Variants in NSD2 observed in about 807,000 individuals in gnomAD.
NSD2 encodes the protein nuclear receptor binding SET domain protein 2.
In NSD2, 12 loss-of-function variants were observed where a neutral mutation model predicts 139.0. The observed-to-expected ratio is 0.09, with a 90% CI of 0.06 to 0.14. The LOEUF (loss-of-function observed/expected upper bound fraction) is 0.14. NSD2 is among the 10% of genes least tolerant of loss of function. The pLI, the probability that NSD2 is intolerant of heterozygous loss-of-function variation, is 1.00. For synonymous variants in NSD2, 669 were observed against 648.7 expected (o/e 1.03, Z -0.48); for missense variants, 1,155 against 1,745.0 (o/e 0.66, Z 6.02).
At chr4:1,944,353 A>G in intron 9 of NSD2, 1 of 1,066,064 alleles carries the variant, frequency 9.4e-7, no homozygotes, top group East Asian at 5.0e-5. Context: ...TTATGCTGCT[A>G]ATTTAACGTG....
At chr4:1,930,849 C>G in intron 6 of NSD2, 79 bp downstream of exon 6, 1 of 1,496,270 alleles carries the variant, frequency 6.7e-7, no homozygotes, top group Non-Finnish European at 9.0e-7. Flanking sequence ...ATCTTGGAAC[C>G]GTAGGGAAGT....
chr4:1,959,374 C>A, intron 16 of NSD2, 97 bp from the exon 17 acceptor site: 1 of 1,464,542 alleles, frequency 6.8e-7, no homozygotes. Flanking sequence ...TCTAAAAGGC[C>A]ACCTGGAGGC....
chr4:1,922,363 A>G (rs1240819683), intron 5 of NSD2, among the ~76,000 whole-genome samples: 1 of 152,238 alleles, frequency 6.6e-6, no homozygotes, highest in Admixed American at 6.5e-5. Flanking sequence ...GGTACTGCGG[A>G]ATCAATATTA....
chr4:1,891,609 T>A (rs1256896684), intron 1 of NSD2, among the ~76,000 whole-genome samples: 2 of 151,804 alleles, frequency 1.3e-5, no homozygotes, highest in Non-Finnish European at 2.9e-5. Flanking sequence ...TCCTAGCACT[T>A]TGGGAGGCTG....
In NSD2 at chr4:1,956,236, T is replaced by G; in HGVS notation, c.2881+48T>G. 1 of 1,474,530 alleles carries G rather than the reference T, an allele frequency of 6.8e-7. No homozygotes were observed. The highest frequency in any genetic ancestry group is 1.3e-5 in the South Asian group (1 of 74,564). The allele number at this position is 1,474,530 out of a possible 1,614,324, so 91.3% of individuals were successfully genotyped here. A position where few individuals can be genotyped will look rare whatever the true frequency, so the allele number is the denominator to read the frequency against. ...AGTGAGACAGCACTCTCGTGCATTT[T>G]CTTACCCCTAATTTCTATTTTTTAA... On this transcript the variant is annotated intron_variant, in intron 15 of 21. Transcript: ENST00000508803. This position sits in a 1 kb window ranked among gnomAD's most constrained non-coding sequence, Gnocchi z 5.3.
chr4:1,879,824 TTGTGTGTGTG>T lies in NSD2; in HGVS notation c.-30+8308_-30+8317del, dbSNP rs140755867. Among the ~76,000 whole-genome samples the T allele has an allele frequency of 2.2e-3, 316 of 144,148 alleles. 2 individuals are homozygous for T. The highest frequency in any genetic ancestry group is 7.1e-3 in the African/African-American group (276 of 39,080). 94.6% of individuals were successfully genotyped at this position (144,148 alleles called of 152,430 possible). A position where few individuals can be genotyped will look rare whatever the true frequency, so the allele number is the denominator to read the frequency against. ...GTTGCAGACCCTGGGCCCATGGCAC[TTGTGTGTGTG>T]TGTGTGTGTGTGTGTGTGTGTGTGT... On this transcript the variant is annotated intron_variant, in intron 1 of 21. Coordinates refer to ENST00000508803, the MANE Select transcript of NSD2 (RefSeq NM_001042424.3).
chr4:1,873,019 C>T (rs1188292356), intron 1 of NSD2, among the ~76,000 whole-genome samples: 2 of 152,204 alleles, frequency 1.3e-5, no homozygotes, highest in East Asian at 1.9e-4. Flanking sequence ...TCTCATTCCC[C>T]ACAACTGATG....
chr4:1,947,460 T>G (rs1394226309), intron 9 of NSD2: 2 of 1,058,778 alleles, frequency 1.9e-6, no homozygotes, highest in Non-Finnish European at 2.3e-6. Flanking sequence ...CCCCCAGCCC[T>G]GACCCTAGAA....
In NSD2 at chr4:1,956,223, C is replaced by A; in HGVS notation, c.2881+35C>A. Reference sequence around the variant, plus strand: ...TATTCAGATAGAGAGTGAGACAGCACTCTCGTGCATTTTCTTACCCCTAAT... The same window carrying A: ...TATTCAGATAGAGAGTGAGACAGCAATCTCGTGCATTTTCTTACCCCTAAT... On this transcript the variant is annotated intron_variant, in intron 15 of 21. Transcript: ENST00000508803. This position sits in a 1 kb window ranked among gnomAD's most constrained non-coding sequence, Gnocchi z 5.3. The A allele has an allele frequency of 6.5e-7, 1 of 1,527,954 alleles. No individual in the cohort carries two copies. The highest frequency in any genetic ancestry group is 8.8e-7 in the Non-Finnish European group (1 of 1,133,916). 94.6% of individuals were successfully genotyped at this position (1,527,954 alleles called of 1,614,324 possible).
At chr4:1,890,415 C>T (rs1489177238) in intron 1 of NSD2, among the ~76,000 whole-genome samples, 1 of 151,694 alleles carries the variant, frequency 6.6e-6, no homozygotes. Context: ...TCTCCTGCCT[C>T]AGCCTCCCGA....
intron 5 of NSD2, among the ~76,000 whole-genome samples, chr4:1,927,979 T>G (rs1221669914): frequency 6.6e-6 from 1 of 151,944 alleles, no homozygotes; most frequent in East Asian, 1.9e-4. Context: ...AGCCCTGAGC[T>G]CCAAGGCTGC....
At chr4:1,946,111 C>T (rs182547619) in intron 9 of NSD2, 57 of 1,028,654 alleles carry the variant, frequency 5.5e-5, no homozygotes, top group Admixed American at 3.4e-4. Context: ...CTGAGGTGTG[C>T]GGTTTATCTT....
chr4:1,923,350 C>T (rs1340030653), intron 5 of NSD2, among the ~76,000 whole-genome samples: 1 of 150,766 alleles, frequency 6.6e-6, no homozygotes, highest in African/African-American at 2.4e-5. Context: ...TCTTATGTGT[C>T]AAGGACACCA....
At position 1,876,307 on chromosome 4, in the gene NSD2, T is replaced by A. The variant is rs79837086; in HGVS notation, c.-30+4765T>A. ...GGCCCCAGATGAGTTTTCAAAGCAT[T>A]TTACTTTCTGTAATACTTAGTGGTT... is the stretch of plus-strand genomic sequence containing the variant. On this transcript the variant is annotated intron_variant, in intron 1 of 21. Transcript: ENST00000508803. Among the ~76,000 whole-genome samples, 1,095 of 152,314 alleles carry A rather than the reference T, an allele frequency of 7.2e-3. 14 individuals carry two copies. The highest frequency in any genetic ancestry group is 0.025 in the African/African-American group (1,050 of 41,568).
chr4:1,941,804 G>A (rs971709670), intron 9 of NSD2: 1 of 1,051,380 alleles, frequency 9.5e-7, no homozygotes, highest in African/African-American at 1.7e-5. Context: ...TACTTTAGGT[G>A]AACAAATAAA....
In NSD2 at chr4:1,974,643, C is replaced by G; in HGVS notation, c.3373-220C>G. On this transcript the variant is annotated intron_variant, in intron 18 of 21. Transcript: ENST00000508803. The surrounding 1 kb of genome is among the most constrained non-coding windows in gnomAD (Gnocchi z 4.0). ...CCTGTCCTGTCCTCCCCGGCGCTCA[C>G]TAAGGCTCGGTCCTCTCCACGTGGT... 1 of 738,926 alleles carries G rather than the reference C, an allele frequency of 1.4e-6. No homozygotes were observed. Among genetic ancestry groups the G allele is most frequent in the South Asian group, 1.4e-5 (1 of 72,794 alleles). The allele number at this position is 738,926 out of a possible 1,614,324, so 45.8% of individuals were successfully genotyped here. A position where few individuals can be genotyped will look rare whatever the true frequency, so the allele number is the denominator to read the frequency against.
At chr4:1,925,037 T>C (rs1190646881) in intron 5 of NSD2, among the ~76,000 whole-genome samples, 2 of 152,232 alleles carry the variant, frequency 1.3e-5, no homozygotes, top group Non-Finnish European at 2.9e-5. Context: ...CCCTGGACTC[T>C]GGCTGGGTGG....
In NSD2 at chr4:1,961,109, C is replaced by T. The variant is rs754150618; in HGVS notation, c.3330C>T (p.His1110=). 10 of 1,613,300 alleles carry T rather than the reference C, an allele frequency of 6.2e-6. No homozygotes were observed. In the Admixed American group the frequency reaches 6.7e-5, roughly 11 times the overall value. ...EECMARIKHA[H]ENDITHFYML... ...GCATGGCGAGAATCAAGCACGCACA[C>T]GAGAACGACATCACCCACTTCTACA... Residue 1110 remains histidine, a synonymous_variant, in exon 18 of 22, where the codon CAC becomes CAT. Transcript: ENST00000508803.
intron 3 of NSD2, 73 bp from the exon 4 acceptor site, chr4:1,916,798 A>G (rs1719457827): frequency 6.8e-7 from 1 of 1,463,422 alleles, no homozygotes; most frequent in Admixed American, 2.2e-5. Flanking sequence ...ACAACTGCAA[A>G]ATAGCAGTAG....
Sources: allele counts gnomAD v4.1 joint callset (sites outside exome capture counted in the v4.1 genomes callset), GRCh38; gene constraint gnomAD v4.1.1; non-coding constraint Gnocchi (gnomAD v3.1); transcripts MANE v1.5; gene names NCBI Gene and HGNC (gene_info 2026-07-23, HGNC 2026-07-21).